RNF170: variants seen among roughly 807,000 people sequenced by gnomAD.
RNF170 encodes the protein E3 ubiquitin-protein ligase RNF170.
A neutral mutation model predicts 32.7 loss-of-function variants in RNF170; 12 were observed. The observed-to-expected ratio is 0.37, with a 90% CI of 0.24 to 0.60. The LOEUF (loss-of-function observed/expected upper bound fraction) is 0.60, where lower values mean the gene tolerates loss of function less well. Ranked by LOEUF, RNF170 falls within the 20% of genes least tolerant of loss-of-function variation. The probability of loss-of-function intolerance (pLI) is 0.72; values close to 1 mark genes in which losing one functional copy is unlikely to be tolerated. For synonymous variants in RNF170, 91 were observed against 103.6 expected (o/e 0.88, Z 0.74); for missense variants, 212 against 311.2 (o/e 0.68, Z 2.40).
intron 1 of RNF170, among the ~76,000 whole-genome samples, chr8:42,892,682 T>TC: frequency 6.6e-6 from 1 of 151,984 alleles, no homozygotes; most frequent in African/African-American, 2.4e-5. Flanking sequence ...GCGTTTTTTT[T>TC]TTTTTTTTTA....
intron 2 of RNF170, among the ~76,000 whole-genome samples, chr8:42,885,852 AG>A (rs1805773735): frequency 6.6e-6 from 1 of 151,986 alleles, no homozygotes; most frequent in Non-Finnish European, 1.5e-5. Flanking sequence ...TTGACTTCCT[AG>A]GCTTAAGTGA....
At chr8:42,864,856 T>C (rs1266897234) in intron 5 of RNF170, among the ~76,000 whole-genome samples, 1 of 152,050 alleles carries the variant, frequency 6.6e-6, no homozygotes, top group African/African-American at 2.4e-5. Context: ...TCAAGCCTGA[T>C]TGTCTTTCAC....
chr8:42,894,077 C>A (rs1483271681), intron 1 of RNF170, among the ~76,000 whole-genome samples: 4 of 152,184 alleles, frequency 2.6e-5, no homozygotes, highest in Non-Finnish European at 5.9e-5. Context: ...TCTTTTTACC[C>A]CAAGGCTTAC....
intron 2 of RNF170, among the ~76,000 whole-genome samples, chr8:42,878,154 G>A (rs1159875099): frequency 6.6e-6 from 1 of 152,134 alleles, no homozygotes; most frequent in African/African-American, 2.4e-5. Flanking sequence ...CCTATTCCCT[G>A]AGGCATTGAC....
chr8:42,853,643 T>G lies in RNF170; in HGVS notation c.*2516A>C. On this transcript the variant is annotated 3_prime_UTR_variant, in exon 7 of 7. Coordinates refer to ENST00000527424, the MANE Select transcript of RNF170 (RefSeq NM_030954.4). ...AAAAATCCAAATTGTTACTTTGATTTATATGATCTAACTCTGAATCACGGA... is the reference window on the plus strand; with the variant it reads ...AAAAATCCAAATTGTTACTTTGATTGATATGATCTAACTCTGAATCACGGA... 7.8e-7 allele frequency: 1 copy of G among 1,284,844 alleles called. No individual in the cohort carries two copies. The highest frequency in any genetic ancestry group is 1.0e-6 in the Non-Finnish European group (1 of 987,096). The allele number at this position is 1,284,844 out of a possible 1,614,324, so 79.6% of individuals were successfully genotyped here.
intron 2 of RNF170, among the ~76,000 whole-genome samples, chr8:42,887,494 TA>T (rs1805918312): frequency 6.6e-6 from 1 of 152,242 alleles, no homozygotes; most frequent in Admixed American, 6.5e-5. Flanking sequence ...TAGAAAGTAC[TA>T]ATATTTTATT....
At chr8:42,851,120 C>T, downstream of RNF170, 1 of 1,401,030 alleles carries the variant, frequency 7.1e-7, no homozygotes, top group Non-Finnish European at 9.6e-7. Flanking sequence ...CTCCTTCCAG[C>T]TCCCTGGGCT....
intron 2 of RNF170, among the ~76,000 whole-genome samples, chr8:42,876,951 G>T (rs1241628306): frequency 6.7e-6 from 1 of 149,658 alleles, no homozygotes; most frequent in Admixed American, 6.7e-5. Flanking sequence ...CACTGTGCCC[G>T]GACTTTTTTT....
intron 2 of RNF170, among the ~76,000 whole-genome samples, chr8:42,883,881 T>A (rs1428129809): frequency 6.6e-6 from 1 of 152,054 alleles, no homozygotes; most frequent in Non-Finnish European, 1.5e-5. Context: ...TGCCACCCCT[T>A]CCCCAATACA....
intron 6 of RNF170, among the ~76,000 whole-genome samples, chr8:42,859,449 G>A (rs1251690040): frequency 6.6e-6 from 1 of 151,868 alleles, no homozygotes; most frequent in Admixed American, 6.6e-5. Context: ...AGCCTGGGCA[G>A]CATGGCAAAA....
intron 1 of RNF170, among the ~76,000 whole-genome samples, chr8:42,890,674 T>G (rs937109204): frequency 2.6e-5 from 4 of 152,138 alleles, no homozygotes; most frequent in Non-Finnish European, 1.5e-5. Flanking sequence ...TTTATTTGCA[T>G]CATTTGACAG....
intron 5 of RNF170, 136 bp from the exon 6 acceptor site, chr8:42,861,991 G>T: frequency 1.1e-6 from 1 of 899,238 alleles, no homozygotes. Context: ...GCAACCTGGG[G>T]GAGGGGAGTA....
intron 1 of RNF170, among the ~76,000 whole-genome samples, chr8:42,891,135 G>A (rs925573465): frequency 6.6e-6 from 1 of 152,200 alleles, no homozygotes; most frequent in Non-Finnish European, 1.5e-5. Flanking sequence ...AGCCCAAGCA[G>A]TTGTTGCTTG....
At chr8:42,871,748 G>A (rs1804538707) in intron 3 of RNF170, among the ~76,000 whole-genome samples, 1 of 152,108 alleles carries the variant, frequency 6.6e-6, no homozygotes, top group Non-Finnish European at 1.5e-5. Flanking sequence ...TAGTAGAGAT[G>A]GGGTTTCGCC....
At chr8:42,857,853 G>A (rs538466909) in intron 6 of RNF170, among the ~76,000 whole-genome samples, 6 of 152,182 alleles carry the variant, frequency 3.9e-5, no homozygotes, top group Admixed American at 2.0e-4. Flanking sequence ...TGGAAAGCAG[G>A]GTGAAACCCC....
At chr8:42,851,023 T>G (rs73634693), downstream of RNF170, 4,089 of 1,549,232 alleles carry the variant, frequency 2.6e-3, 92 homozygotes, top group African/African-American at 0.051. Flanking sequence ...AGAATGACCT[T>G]TTAAAAATGT....
intron 2 of RNF170, among the ~76,000 whole-genome samples, chr8:42,879,635 A>G (rs571104502): frequency 3.3e-5 from 5 of 152,266 alleles, no homozygotes; most frequent in East Asian, 1.9e-4. Flanking sequence ...TGGGCAACAC[A>G]GTGAGACTCC....
chr8:42,859,147 G>A (rs913269000), intron 6 of RNF170, among the ~76,000 whole-genome samples: 2 of 151,898 alleles, frequency 1.3e-5, no homozygotes, highest in Admixed American at 6.6e-5. Flanking sequence ...TTGCACCACC[G>A]CACTCGAGCC....
At chr8:42,857,056 TAG>T (rs1261470442) in intron 6 of RNF170, among the ~76,000 whole-genome samples, 1 of 152,248 alleles carries the variant, frequency 6.6e-6, no homozygotes, top group Non-Finnish European at 1.5e-5. Context: ...ATGGCTTAAA[TAG>T]TTTAAGAATA....
Sources: gnomAD v4.1 joint callset for allele counts (sites outside exome capture counted in the v4.1 genomes callset) on GRCh38, gnomAD v4.1.1 for gene constraint, MANE v1.5 for transcripts, NCBI Gene and HGNC (gene_info 2026-07-23, HGNC 2026-07-21) for gene names.